LOC128125817: variants seen among roughly 807,000 people sequenced by gnomAD.
the LOC128125817 span, among the ~76,000 whole-genome samples, chr1:41,595,604 C>T: frequency 3.3e-5 from 5 of 152,096 alleles, no homozygotes; most frequent in African/African-American, 9.7e-5. Context: ...TGATTAATAT[C>T]GAATGTCAAC....
chr1:41,600,744 A>G, the LOC128125817 span, among the ~76,000 whole-genome samples: 3 of 152,218 alleles, frequency 2.0e-5, no homozygotes, highest in African/African-American at 7.2e-5. Flanking sequence ...ACTACAAGCA[A>G]GAGGTTATCT....
chr1:41,586,365 A>AT, the LOC128125817 span, among the ~76,000 whole-genome samples: 1 of 152,200 alleles, frequency 6.6e-6, no homozygotes, highest in Non-Finnish European at 1.5e-5. Context: ...GACTTTGGAC[A>AT]TCATGAAGAT....
the LOC128125817 span, among the ~76,000 whole-genome samples, chr1:41,606,377 A>AT: frequency 2.0e-5 from 3 of 151,948 alleles, no homozygotes; most frequent in Non-Finnish European, 4.4e-5. Flanking sequence ...GATTTTTGTT[A>AT]TATGTTATTG....
chr1:41,620,226 G>A, the LOC128125817 span, among the ~76,000 whole-genome samples: 3 of 152,150 alleles, frequency 2.0e-5, no homozygotes, highest in African/African-American at 4.8e-5. Context: ...GTTTCCACTC[G>A]CTTTCCCACA....
the LOC128125817 span, among the ~76,000 whole-genome samples, chr1:41,600,501 A>G: frequency 6.6e-6 from 1 of 152,216 alleles, no homozygotes; most frequent in Non-Finnish European, 1.5e-5. Flanking sequence ...AAGTACTTAG[A>G]GTAATCAAAT....
At chr1:41,588,934 G>T in the LOC128125817 span, among the ~76,000 whole-genome samples, 1 of 152,186 alleles carries the variant, frequency 6.6e-6, no homozygotes, top group African/African-American at 2.4e-5. Flanking sequence ...AGGACCACAG[G>T]TGCAGATGTA....
At chr1:41,625,456 C>T in the LOC128125817 span, among the ~76,000 whole-genome samples, 1 of 152,214 alleles carries the variant, frequency 6.6e-6, no homozygotes, top group East Asian at 1.9e-4. Flanking sequence ...ATTAGGCCCA[C>T]AGGCAAGTTT....
chr1:41,626,606 G>A, the LOC128125817 span, among the ~76,000 whole-genome samples: 2 of 152,230 alleles, frequency 1.3e-5, no homozygotes, highest in South Asian at 2.1e-4. Context: ...CTCTGCTTCT[G>A]GACTAGTTCA....
At chr1:41,625,475 C>T in the LOC128125817 span, among the ~76,000 whole-genome samples, 1 of 152,178 alleles carries the variant, frequency 6.6e-6, no homozygotes, top group Admixed American at 6.5e-5. Flanking sequence ...TTGCCAATTC[C>T]TGATCTAGAA....
At chr1:41,612,091 T>G in the LOC128125817 span, among the ~76,000 whole-genome samples, 1 of 135,622 alleles carries the variant, frequency 7.4e-6, no homozygotes. Flanking sequence ...CTCCTCCCAC[T>G]CCCACCCACC....
the LOC128125817 span, among the ~76,000 whole-genome samples, chr1:41,591,464 C>G: frequency 6.6e-6 from 1 of 152,068 alleles, no homozygotes; most frequent in Non-Finnish European, 1.5e-5. Context: ...GGTGAAAGGT[C>G]TGATGGATCT....
the LOC128125817 span, among the ~76,000 whole-genome samples, chr1:41,624,949 A>G: frequency 6.6e-6 from 1 of 152,158 alleles, no homozygotes; most frequent in Non-Finnish European, 1.5e-5. Context: ...ATGGATCACA[A>G]GGTCAGGAGT....
chr1:41,620,619 A>T, the LOC128125817 span, among the ~76,000 whole-genome samples: 1 of 151,876 alleles, frequency 6.6e-6, no homozygotes, highest in Non-Finnish European at 1.5e-5. Flanking sequence ...CACCTGCCCC[A>T]CCCAGCACGC....
chr1:41,623,759 G>T, the LOC128125817 span, among the ~76,000 whole-genome samples: 1 of 152,170 alleles, frequency 6.6e-6, no homozygotes, highest in Non-Finnish European at 1.5e-5. Context: ...TCACAAACAC[G>T]GCCCATGCTC....
At chr1:41,607,590 T>C in the LOC128125817 span, among the ~76,000 whole-genome samples, 1 of 152,208 alleles carries the variant, frequency 6.6e-6, no homozygotes, top group Non-Finnish European at 1.5e-5. Flanking sequence ...AAATAAGCTC[T>C]TCCTTTTTTT....
chr1:41,622,895 A>G, the LOC128125817 span, among the ~76,000 whole-genome samples: 1 of 152,226 alleles, frequency 6.6e-6, no homozygotes, highest in African/African-American at 2.4e-5. Flanking sequence ...ATGTGCCCAC[A>G]CTGGGCTGTG....
the LOC128125817 span, among the ~76,000 whole-genome samples, chr1:41,622,431 A>G: frequency 0.77 from 116,736 of 152,128 alleles, 45,648 homozygotes; most frequent in East Asian, 1. Context: ...GAACAGGCTG[A>G]ACTGGGAATG....
chr1:41,605,375 GCACACA>G, the LOC128125817 span, among the ~76,000 whole-genome samples: 112 of 126,696 alleles, frequency 8.8e-4, no homozygotes, highest in Admixed American at 1.3e-3. Flanking sequence ...ACGCACACGC[GCACACA>G]CACACACACA....
At chr1:41,599,365 C>A in the LOC128125817 span, among the ~76,000 whole-genome samples, 1 of 152,144 alleles carries the variant, frequency 6.6e-6, no homozygotes, top group African/African-American at 2.4e-5. Flanking sequence ...AGATTTCTTA[C>A]TCGATTGACA....
Sources: allele counts gnomAD v4.1 joint callset (sites outside exome capture counted in the v4.1 genomes callset), GRCh38; gene constraint gnomAD v4.1.1; transcripts MANE v1.5.